The following TMCO1 variants were observed in gnomAD, a reference collection of about 807,000 sequenced individuals.
The protein encoded by TMCO1 is calcium load-activated calcium channel.
In TMCO1, 29 loss-of-function variants were observed where a neutral mutation model predicts 29.3. That is an observed-to-expected ratio of 0.99 (90% CI 0.74 to 1.35). TMCO1 has a LOEUF of 1.35. Among genes scored for constraint, TMCO1 ranks in the 40% most tolerant of loss-of-function variants. The probability of loss-of-function intolerance (pLI) is 0.00; values close to 1 mark genes in which losing one functional copy is unlikely to be tolerated. For missense variants in TMCO1, 173 were observed against 225.5 expected (o/e 0.77, Z 1.49); for synonymous variants, 80 against 77.1 (o/e 1.04, Z -0.20).
intron 2 of TMCO1, among the ~76,000 whole-genome samples, chr1:165,760,011 G>GA (rs953225173): frequency 6.4e-4 from 96 of 150,066 alleles, no homozygotes; most frequent in Middle Eastern, 6.8e-3. Flanking sequence ...CTAAGCAGAT[G>GA]AAAAAAAAAT....
chr1:165,725,270 T>C (rs1478791445), downstream of TMCO1: 2 of 453,800 alleles, frequency 4.4e-6, no homozygotes, highest in East Asian at 1.4e-4. Flanking sequence ...CAAAATGCTT[T>C]TGTTTTAGAA....
upstream of TMCO1, chr1:165,768,883 C>T (rs775810253): frequency 6.4e-7 from 1 of 1,553,512 alleles, no homozygotes; most frequent in Non-Finnish European, 8.7e-7. Context: ...GCCCGAAGAT[C>T]GCACTTCCGC....
intron 2 of TMCO1, among the ~76,000 whole-genome samples, chr1:165,762,015 A>AAG (rs1211556533): frequency 5.2e-4 from 1 of 1,940 alleles, no homozygotes; most frequent in Non-Finnish European, 9.4e-4. Flanking sequence ...TTTTTATTAA[A>AAG]ATGTTATAAG....
At chr1:165,726,085 A>C (rs781018732), downstream of TMCO1, 1 of 696,352 alleles carries the variant, frequency 1.4e-6, no homozygotes, top group Non-Finnish European at 2.6e-6. Flanking sequence ...TGATGGCAGA[A>C]TTTTGAGGAT....
intron 6 of TMCO1, among the ~76,000 whole-genome samples, chr1:165,729,127 A>G (rs1324432317): frequency 7.7e-6 from 1 of 129,932 alleles, no homozygotes; most frequent in Non-Finnish European, 1.7e-5. Context: ...AAAAAAAAAA[A>G]CCAGTTTCAA....
At chr1:165,743,414 A>T in intron 5 of TMCO1, 103 bp from the exon 6 acceptor site, 1 of 1,236,122 alleles carries the variant, frequency 8.1e-7, no homozygotes, top group South Asian at 1.4e-5. Context: ...TAAGTCTCTG[A>T]TCTCTGAAAA....
At chr1:165,745,305 G>A (rs1651755660) in intron 5 of TMCO1, among the ~76,000 whole-genome samples, 1 of 148,110 alleles carries the variant, frequency 6.8e-6, no homozygotes, top group East Asian at 2.0e-4. Flanking sequence ...TTATAGGAAT[G>A]AGCCACCACT....
At chr1:165,767,508 C>T (rs1325441419) in intron 2 of TMCO1, among the ~76,000 whole-genome samples, 1 of 152,194 alleles carries the variant, frequency 6.6e-6, no homozygotes, top group Non-Finnish European at 1.5e-5. Context: ...ACATATCATC[C>T]TCCAAACATG....
chr1:165,767,765 A>C (rs1652627702), intron 2 of TMCO1, among the ~76,000 whole-genome samples: 1 of 152,128 alleles, frequency 6.6e-6, no homozygotes, highest in Non-Finnish European at 1.5e-5. Context: ...CTGTAGCCTC[A>C]ATCTCCTGGG....
At position 165,768,290 on chromosome 1, in the gene TMCO1, T is replaced by C. The variant is rs1204547899; in HGVS notation, c.71-21A>G. 5 of 1,603,474 alleles carry C rather than the reference T, an allele frequency of 3.1e-6. No individual in the cohort carries two copies. In the African/African-American group the frequency reaches 5.4e-5, roughly 17 times the overall value. On this transcript the variant is annotated intron_variant, in intron 1 of 6. Coordinates refer to ENST00000367881, the MANE Select transcript of TMCO1 (RefSeq NM_019026.6). ...TATGCCTAAAACATTAAAAGCAACATGTTAATAGAGAAATGACTGGAATGA... is the reference window on the plus strand; with the variant it reads ...TATGCCTAAAACATTAAAAGCAACACGTTAATAGAGAAATGACTGGAATGA...
intron 6 of TMCO1, among the ~76,000 whole-genome samples, chr1:165,736,303 A>G (rs1387342030): frequency 1.3e-5 from 2 of 152,260 alleles, no homozygotes; most frequent in African/African-American, 4.8e-5. Flanking sequence ...CCTATACAAA[A>G]ATATCAACAC....
At chr1:165,740,768 G>A (rs575096266) in intron 6 of TMCO1, among the ~76,000 whole-genome samples, 20 of 152,274 alleles carry the variant, frequency 1.3e-4, no homozygotes, top group African/African-American at 3.4e-4. Flanking sequence ...TCCTTATCAC[G>A]AGTGGCTTTG....
At chr1:165,752,547 G>A (rs1279187327) in intron 4 of TMCO1, among the ~76,000 whole-genome samples, 5 of 151,306 alleles carry the variant, frequency 3.3e-5, no homozygotes, top group African/African-American at 9.7e-5. Flanking sequence ...GAGCCATTGC[G>A]CCCAGCCTCA....
intron 6 of TMCO1, among the ~76,000 whole-genome samples, chr1:165,738,878 C>G (rs981774922): frequency 1.3e-5 from 2 of 152,170 alleles, no homozygotes; most frequent in African/African-American, 4.8e-5. Flanking sequence ...ACCAAAAGAA[C>G]AGATCCTTCA....
chr1:165,737,036 G>A (rs1204914081), intron 6 of TMCO1, among the ~76,000 whole-genome samples: 1 of 152,006 alleles, frequency 6.6e-6, no homozygotes, highest in Non-Finnish European at 1.5e-5. Context: ...TGAACTCTTG[G>A]GCTCTTGGTC....
At chr1:165,767,556 T>C (rs1225464743) in intron 2 of TMCO1, among the ~76,000 whole-genome samples, 1 of 152,226 alleles carries the variant, frequency 6.6e-6, no homozygotes, top group Non-Finnish European at 1.5e-5. Flanking sequence ...TGCTCATATG[T>C]TATTTCTTTA....
In TMCO1 at chr1:165,734,366, G is replaced by A. The variant is rs145801237; in HGVS notation, c.469-6245C>T. On this transcript the variant is annotated intron_variant, in intron 6 of 6. Transcript: ENST00000367881. ...TGACAAACTAGACAATAAAACAATAGGAGTATCTTTTCATTTTACCAAATC... is the reference window on the plus strand; with the variant it reads ...TGACAAACTAGACAATAAAACAATAAGAGTATCTTTTCATTTTACCAAATC... Among the ~76,000 whole-genome samples the A allele has an allele frequency of 1.9e-3, 294 of 152,144 alleles. 9 individuals are homozygous for A. The highest frequency in any genetic ancestry group is 0.016 in the Admixed American group (239 of 15,296).
intron 6 of TMCO1, among the ~76,000 whole-genome samples, chr1:165,736,873 C>T (rs1651410420): frequency 6.6e-6 from 1 of 152,210 alleles, no homozygotes; most frequent in Non-Finnish European, 1.5e-5. Context: ...GCGATCACAG[C>T]TTACCACAAA....
chr1:165,745,989 C>CA (rs560331230), intron 5 of TMCO1, among the ~76,000 whole-genome samples: 3 of 151,946 alleles, frequency 2.0e-5, no homozygotes, highest in Admixed American at 2.0e-4. Flanking sequence ...TACATAAAAA[C>CA]AAAAAAAGAA....
Sources: gnomAD v4.1 joint callset for allele counts (sites outside exome capture counted in the v4.1 genomes callset) on GRCh38, gnomAD v4.1.1 for gene constraint, MANE v1.5 for transcripts, NCBI Gene and HGNC (gene_info 2026-07-23, HGNC 2026-07-21) for gene names.